Variants in MAMLD1 observed in about 807,000 individuals in gnomAD.
MAMLD1 encodes the protein mastermind-like domain-containing protein 1.
In MAMLD1, 14 loss-of-function variants were observed where a neutral mutation model predicts 45.0. That is an observed-to-expected ratio of 0.31 (90% CI 0.21 to 0.49). The LOEUF is 0.49. Among genes scored for constraint, MAMLD1 ranks in the 20% least tolerant of loss-of-function variants. The pLI, the probability that MAMLD1 is intolerant of heterozygous loss-of-function variation, is 0.99. For synonymous variants in MAMLD1, 254 were observed against 247.8 expected, an observed-to-expected ratio of 1.02 and a Z score of -0.24; for missense variants, 543 against 603.6, an observed-to-expected ratio of 0.90 and a Z score of 1.05.
At chrX:150,431,115 A>C (rs2034924866) in intron 1 of MAMLD1, among the ~76,000 whole-genome samples, 1 of 112,182 alleles carries the variant, frequency 8.9e-6, no homozygotes, top group Non-Finnish European at 1.9e-5. Flanking sequence ...GATTTCTTTC[A>C]TCAGTGTTGT....
chrX:150,389,139 A>G (rs1207897226), intron 1 of MAMLD1, among the ~76,000 whole-genome samples: 1 of 110,538 alleles, frequency 9.0e-6, no homozygotes. Context: ...CTCTGCCTCC[A>G]GGGTTCAAGT....
At chrX:150,499,274 T>C (rs1177259566) in intron 5 of MAMLD1, among the ~76,000 whole-genome samples, 1 of 112,003 alleles carries the variant, frequency 8.9e-6, no homozygotes, top group Non-Finnish European at 1.9e-5. Flanking sequence ...TCCAGAATGA[T>C]TAAGTCAAGA....
At chrX:150,381,312 C>G (rs782726828) in intron 1 of MAMLD1, among the ~76,000 whole-genome samples, 1 of 112,150 alleles carries the variant, frequency 8.9e-6, no homozygotes, top group South Asian at 3.7e-4. Flanking sequence ...AGTTCACAGC[C>G]AGGACAGTCA....
intron 1 of MAMLD1, among the ~76,000 whole-genome samples, chrX:150,376,659 G>C (rs2032330793): frequency 9.0e-6 from 1 of 111,353 alleles, no homozygotes; most frequent in Admixed American, 9.5e-5. Flanking sequence ...TATCAGAATG[G>C]AATTTTTATT....
At chrX:150,464,407 T>C (rs1186525303) in intron 3 of MAMLD1, among the ~76,000 whole-genome samples, 1 of 112,297 alleles carries the variant, frequency 8.9e-6, no homozygotes, top group East Asian at 2.8e-4. Context: ...CACCCTGGTA[T>C]TCTCCAGAGC....
At chrX:150,379,530 CT>C (rs2032498595) in intron 1 of MAMLD1, among the ~76,000 whole-genome samples, 1 of 111,566 alleles carries the variant, frequency 9.0e-6, no homozygotes, top group Non-Finnish European at 1.9e-5. Flanking sequence ...CCCCCCACCC[CT>C]GAACCATCTT....
intron 1 of MAMLD1, among the ~76,000 whole-genome samples, chrX:150,389,306 C>T (rs1392931297): frequency 8.9e-6 from 1 of 111,749 alleles, no homozygotes; most frequent in Non-Finnish European, 1.9e-5. Flanking sequence ...CCTGGCCTCC[C>T]GAAGTGCTAG....
chrX:150,420,891 G>A (rs1398072968), intron 1 of MAMLD1: 4 of 112,760 alleles, frequency 3.5e-5, no homozygotes, highest in Non-Finnish European at 7.5e-5. Context: ...CTGTCTTTTT[G>A]TTTGTCTGTG....
At chrX:150,454,316 C>G (rs1034627176) in intron 2 of MAMLD1, among the ~76,000 whole-genome samples, 1 of 112,240 alleles carries the variant, frequency 8.9e-6, no homozygotes, top group Non-Finnish European at 1.9e-5. Flanking sequence ...AACACCAACT[C>G]CCAACATCTG....
intron 1 of MAMLD1, among the ~76,000 whole-genome samples, chrX:150,401,409 G>C (rs1340806740): frequency 3.0e-5 from 3 of 101,342 alleles, no homozygotes; most frequent in Non-Finnish European, 6.0e-5. Context: ...CACTGCTCAA[G>C]GAAATAAAAG....
At chrX:150,460,818 C>T (rs1157677584) in intron 2 of MAMLD1, among the ~76,000 whole-genome samples, 2 of 112,275 alleles carry the variant, frequency 1.8e-5, no homozygotes, top group Admixed American at 9.4e-5. Context: ...CTTAGCTCTA[C>T]CAGATGTCCT....
intron 1 of MAMLD1, among the ~76,000 whole-genome samples, chrX:150,394,909 A>AT (rs781878117): frequency 4.7e-4 from 52 of 111,534 alleles, no homozygotes; most frequent in African/African-American, 1.5e-3. Flanking sequence ...TGCGTTCCCA[A>AT]TGGGTGTACC....
upstream of MAMLD1, among the ~76,000 whole-genome samples, chrX:150,362,271 T>A (rs1175613854): frequency 9.0e-6 from 1 of 110,882 alleles, no homozygotes; most frequent in Non-Finnish European, 1.9e-5. Context: ...CCGCTAGCCC[T>A]AGGGTCAGGC....
chrX:150,414,028 C>CAAAAAAAAACAAAAAAAAA (rs2034189363), intron 1 of MAMLD1, among the ~76,000 whole-genome samples: 1 of 31,344 alleles, frequency 3.2e-5, no homozygotes. Context: ...CAGAAAACTG[C>CAAAAAAAAACAAAAAAAAA]AAAAAAAAAA....
chrX:150,397,702 C>G (rs1603234563), intron 1 of MAMLD1, among the ~76,000 whole-genome samples: 1 of 111,386 alleles, frequency 9.0e-6, no homozygotes, highest in Non-Finnish European at 1.9e-5. Flanking sequence ...CCAACCCTCA[C>G]TTGGACACTC....
At chrX:150,464,612 C>T (rs1223462185) in intron 3 of MAMLD1, among the ~76,000 whole-genome samples, 1 of 112,127 alleles carries the variant, frequency 8.9e-6, no homozygotes, top group Admixed American at 9.5e-5. Context: ...GTCTTTCTCT[C>T]CTCCTCGCTC....
chrX:150,429,331 A>G (rs2034833394), intron 1 of MAMLD1, among the ~76,000 whole-genome samples: 1 of 94,277 alleles, frequency 1.1e-5, no homozygotes. Context: ...ACAAACATCA[A>G]AAGTTGATTG....
chrX:150,508,221 G>A (rs1557408938), intron 6 of MAMLD1, among the ~76,000 whole-genome samples: 2 of 112,395 alleles, frequency 1.8e-5, no homozygotes, highest in African/African-American at 6.5e-5. Flanking sequence ...AGATCCGGAT[G>A]GTGTGGCCTT....
At chrX:150,445,636 AG>A (rs782488152) in intron 2 of MAMLD1, 24 bp downstream of exon 2, 106 of 1,066,614 alleles carry the variant, frequency 9.9e-5, no homozygotes, top group Non-Finnish European at 1.1e-4. Flanking sequence ...CCATGGGGGG[AG>A]GGGGGTATTT....
Sources: allele counts gnomAD v4.1 joint callset (sites outside exome capture counted in the v4.1 genomes callset), GRCh38; gene constraint gnomAD v4.1.1; transcripts MANE v1.5; gene names NCBI Gene and HGNC (gene_info 2026-07-23, HGNC 2026-07-21).